ZNF398: variants seen among roughly 807,000 people sequenced by gnomAD.
The protein encoded by ZNF398 is zinc finger DNA binding protein ZER6.
A neutral mutation model predicts 41.9 loss-of-function variants in ZNF398; 18 were observed. The observed-to-expected ratio is 0.43, with a 90% confidence interval of 0.30 to 0.64. ZNF398 has a LOEUF of 0.64. ZNF398 is among the 30% of genes least tolerant of loss of function. The pLI, the probability that ZNF398 is intolerant of heterozygous loss-of-function variation, is 0.14. For synonymous variants in ZNF398, 260 were observed against 308.8 expected (o/e 0.84, Z 1.66); for missense variants, 669 against 822.8 (o/e 0.81, Z 2.29).
intron 1 of ZNF398, among the ~76,000 whole-genome samples, chr7:149,149,442 C>T (rs915035134): frequency 1.3e-5 from 2 of 151,972 alleles, no homozygotes; most frequent in Admixed American, 6.6e-5. Flanking sequence ...CCGTGTTTGC[C>T]GGGATGGTCT....
intron 4 of ZNF398, among the ~76,000 whole-genome samples, chr7:149,169,894 C>A (rs979016232): frequency 1.1e-4 from 17 of 152,128 alleles, no homozygotes; most frequent in Non-Finnish European, 2.2e-4. Flanking sequence ...TAGAATGATA[C>A]AAAGTAATAT....
At chr7:149,165,464 A>C (rs1795207980) in intron 2 of ZNF398, among the ~76,000 whole-genome samples, 1 of 152,250 alleles carries the variant, frequency 6.6e-6, no homozygotes, top group South Asian at 2.1e-4. Context: ...AGATGGCAGG[A>C]CAAGGTGTAA....
chr7:149,155,734 T>TTTTA (rs1563159644), intron 2 of ZNF398, among the ~76,000 whole-genome samples: 1 of 110,650 alleles, frequency 9.0e-6, no homozygotes, highest in East Asian at 2.5e-4. Flanking sequence ...TTTTTTAATT[T>TTTTA]TTTTTTTTTT....
At chr7:149,126,440 G>GCAC in exon 1 of ZNF398, 1 of 743,346 alleles carries the variant, frequency 1.3e-6, no homozygotes, top group African/African-American at 1.9e-5. Context: ...AGGGGCCCGG[G>GCAC]CACCCTCCGT....
At chr7:149,160,009 AG>A (rs1437294778) in intron 2 of ZNF398, among the ~76,000 whole-genome samples, 1 of 152,102 alleles carries the variant, frequency 6.6e-6, no homozygotes, top group Non-Finnish European at 1.5e-5. Context: ...TACAGGTGTG[AG>A]TCACCGGGCC....
intron 4 of ZNF398, among the ~76,000 whole-genome samples, chr7:149,174,582 T>G (rs1408287758): frequency 6.6e-6 from 1 of 152,156 alleles, no homozygotes; most frequent in African/African-American, 2.4e-5. Flanking sequence ...CCCAGCACTT[T>G]GGGAGGTTGA....
At chr7:149,133,820 C>T (rs1231628128) in intron 2 of ZNF398, among the ~76,000 whole-genome samples, 15 of 148,448 alleles carry the variant, frequency 1.0e-4, no homozygotes, top group East Asian at 2.0e-4. Flanking sequence ...GGTATGATCT[C>T]GGCTCACCGC....
intron 2 of ZNF398, among the ~76,000 whole-genome samples, chr7:149,139,529 T>C (rs1001257128): frequency 1.2e-4 from 18 of 151,574 alleles, no homozygotes; most frequent in African/African-American, 3.9e-4. Flanking sequence ...GAGACCATCC[T>C]GGCCAACATG....
intron 2 of ZNF398, among the ~76,000 whole-genome samples, chr7:149,165,092 C>CT: frequency 7.1e-6 from 1 of 140,354 alleles, no homozygotes; most frequent in Non-Finnish European, 1.5e-5. Flanking sequence ...GACTCTGTCT[C>CT]TAAAAAAAAA....
chr7:149,141,184 A>G lies in ZNF398; in HGVS notation c.-490+12240A>G, dbSNP rs1369278671. Reference sequence around the variant, plus strand: ...CACATATATGATAAATCATCTTTAAATCATCTTTGAGTCATGATTAAAAAT... The same window carrying G: ...CACATATATGATAAATCATCTTTAAGTCATCTTTGAGTCATGATTAAAAAT... On this transcript the variant is annotated intron_variant, in intron 2 of 6. Transcript: ENST00000426851. 5.3e-5 allele frequency among the ~76,000 whole-genome samples: 8 copies of G among 152,262 alleles called. No homozygotes were observed. The East Asian group carries it at 1.5e-3, about 29-fold the overall frequency.
rs1038859795 is a variant in ZNF398, at chr7:149,152,268, T to TC, written c.25-1677_25-1676insC. On this transcript the variant is annotated intron_variant, in intron 1 of 5. Transcript: ENST00000475153. ...GTGATTTCCCTTAAAGATTTCTTTT[T>TC]TTTTTTTTTTGAGACGGAGTTTCAC... is the stretch of plus-strand genomic sequence containing the variant. Among the ~76,000 whole-genome samples, 68 of 150,356 alleles carry TC rather than the reference T, an allele frequency of 4.5e-4. No homozygotes were observed. The Middle Eastern group carries it at 0.014, about 30-fold the overall frequency.
chr7:149,178,599 C>A, intron 5 of ZNF398, 49 bp from the exon 6 acceptor site: 1 of 1,494,596 alleles, frequency 6.7e-7, no homozygotes. Flanking sequence ...ATGAGAGTTG[C>A]TAGTGAGACA....
At chr7:149,136,150 T>C (rs1432209170) in intron 2 of ZNF398, among the ~76,000 whole-genome samples, 1 of 152,112 alleles carries the variant, frequency 6.6e-6, no homozygotes, top group Non-Finnish European at 1.5e-5. Context: ...TATTTATATG[T>C]TTATTTATAT....
chr7:149,138,222 AAAG>A (rs1826753967), intron 2 of ZNF398, among the ~76,000 whole-genome samples: 1 of 151,694 alleles, frequency 6.6e-6, no homozygotes, highest in South Asian at 2.1e-4. Context: ...AGAAAAAAAA[AAAG>A]AAAAAAATTT....
At chr7:149,164,317 G>C (rs1795179166) in intron 2 of ZNF398, among the ~76,000 whole-genome samples, 1 of 151,876 alleles carries the variant, frequency 6.6e-6, no homozygotes. Context: ...TGAGGCAGGA[G>C]AAGGGCGTGA....
intron 2 of ZNF398, among the ~76,000 whole-genome samples, chr7:149,140,275 C>T (rs1164131405): frequency 5.9e-5 from 9 of 152,008 alleles, no homozygotes. Context: ...TTTGAGCCTA[C>T]AGATGTTTAT....
chr7:149,130,593 G>A (rs1032999735), intron 2 of ZNF398, among the ~76,000 whole-genome samples: 5 of 152,120 alleles, frequency 3.3e-5, no homozygotes, highest in African/African-American at 7.2e-5. Flanking sequence ...TGTTCCCCTT[G>A]TGAACGCATG....
chr7:149,128,029 G>T (rs1006799231), intron 1 of ZNF398, among the ~76,000 whole-genome samples: 1 of 152,160 alleles, frequency 6.6e-6, no homozygotes, highest in Non-Finnish European at 1.5e-5. Context: ...CCTCAAAAGC[G>T]TAATGCTTTT....
rs140368986 is a variant in ZNF398 at position 149,161,014 on chromosome 7, C to T, written c.421-5144C>T. 5.0e-3 allele frequency among the ~76,000 whole-genome samples: 756 copies of T among 152,216 alleles called. 9 individuals are homozygous for T. Among genetic ancestry groups the T allele is most frequent in the African/African-American group, 0.017 (723 of 41,534 alleles). On this transcript the variant is annotated intron_variant, in intron 2 of 5. Transcript: ENST00000475153. ...TCAGGAGGAGGTGGGCTTTCCCCAA[C>T]GCTGCCCTCTTGACCCTTGGAGCTC...
Sources: gnomAD v4.1 joint callset for allele counts (sites outside exome capture counted in the v4.1 genomes callset) on GRCh38, gnomAD v4.1.1 for gene constraint, MANE v1.5 for transcripts, NCBI Gene and HGNC (gene_info 2026-07-23, HGNC 2026-07-21) for gene names.